Variants in COL17A1 observed in about 807,000 individuals in gnomAD.
COL17A1 encodes the protein collagen type XVII alpha 1 chain.
COL17A1 carries 181 observed loss-of-function variants against 218.4 expected under a neutral mutation model. The observed-to-expected ratio is 0.83, with a 90% CI of 0.73 to 0.94. COL17A1 has a LOEUF of 0.94. Ranked by LOEUF, COL17A1 falls within the 40% of genes least tolerant of loss-of-function variation. The pLI is 0.00. For missense variants in COL17A1, 1,924 were observed against 1,945.9 expected, an observed-to-expected ratio of 0.99 and a Z score of 0.21; for synonymous variants, 721 against 731.0, an observed-to-expected ratio of 0.99 and a Z score of 0.22.
chr10:104,060,766 T>C (rs1352535361), intron 13 of COL17A1, among the ~76,000 whole-genome samples: 1 of 152,224 alleles, frequency 6.6e-6, no homozygotes, highest in Non-Finnish European at 1.5e-5. Flanking sequence ...ATCTGTATCC[T>C]TTTCTGTAAT....
chr10:104,072,146 A>C (rs2086674791), intron 7 of COL17A1, 67 bp from the exon 8 acceptor site: 1 of 1,606,920 alleles, frequency 6.2e-7, no homozygotes, highest in Non-Finnish European at 8.5e-7. Context: ...CTGACACTGA[A>C]CTCCTAGCAG....
chr10:104,075,300 C>G (rs1269537087), intron 5 of COL17A1, among the ~76,000 whole-genome samples: 1 of 152,130 alleles, frequency 6.6e-6, no homozygotes, highest in African/African-American at 2.4e-5. Context: ...GAGAGCTGGG[C>G]AAGTGGCTGT....
chr10:104,067,448 G>T (rs1045004346), intron 9 of COL17A1, among the ~76,000 whole-genome samples: 1 of 151,742 alleles, frequency 6.6e-6, no homozygotes, highest in Middle Eastern at 3.4e-3. Flanking sequence ...CTAAGAAACT[G>T]CAAAAAAGTT....
At position 104,037,102 on chromosome 10, in the gene COL17A1, C is replaced by G; in HGVS notation, c.3220G>C (p.Gly1074Arg). 1.2e-6 allele frequency: 2 copies of G among 1,605,780 alleles called. No homozygotes were observed. The highest frequency in any genetic ancestry group is 1.7e-6 in the Non-Finnish European group (2 of 1,176,464). The change falls in exon 47 of 56, where the codon GGT becomes CGT. Residue 1074 changes from glycine to arginine, a missense_variant. Coordinates refer to ENST00000648076, the MANE Select transcript of COL17A1 (RefSeq NM_000494.4). The stretch of plus-strand genomic sequence containing the variant: ...ATGGAGGACGAGAACAAGCTGACAC[C>G]GTACCCCGAAGCTGTCGGGAAGAAA... ...VVSYLRTSGY[G>R]VSLFSSSISS... is the part of the protein sequence containing the mutation.
chr10:104,081,358 T>C (rs1211775530), intron 1 of COL17A1, among the ~76,000 whole-genome samples: 2 of 152,106 alleles, frequency 1.3e-5, no homozygotes, highest in African/African-American at 4.8e-5. Flanking sequence ...AAAATACATA[T>C]TTGTATTTTT....
Position 104,051,494 on chromosome 10 carries a change from T to G in COL17A1, c.2025A>C (p.Pro675=). 1 of 1,614,052 alleles carries G rather than the reference T, an allele frequency of 6.2e-7. No homozygotes were observed. Among genetic ancestry groups the G allele is most frequent in the South Asian group, 1.1e-5 (1 of 91,056 alleles). Reference sequence around the variant, plus strand: ...CAGCAAACTGACCTGGAGGGCCCTGTGGGCCAGGAGAGCCGCTGGAACCTG... The same window carrying G: ...CAGCAAACTGACCTGGAGGGCCCTGGGGGCCAGGAGAGCCGCTGGAACCTG... The part of the protein sequence containing the change: ...GPKGSSGSPG[P]QGPPGPVGLQ... The change falls in exon 25 of 56, where the codon CCA becomes CCC. Residue 675 remains proline (P), a synonymous_variant. Coordinates refer to ENST00000648076, the MANE Select transcript of COL17A1 (RefSeq NM_000494.4).
chr10:104,061,911 G>C (rs2086586190), intron 12 of COL17A1, among the ~76,000 whole-genome samples: 1 of 152,188 alleles, frequency 6.6e-6, no homozygotes, highest in African/African-American at 2.4e-5. Flanking sequence ...GCAACCTGTA[G>C]GGGGTGCACC....
chr10:104,040,003 A>T lies in COL17A1; in HGVS notation c.2762-4T>A. The T allele has an allele frequency of 6.2e-7, 1 of 1,613,934 alleles. No homozygotes were observed. Among genetic ancestry groups the T allele is most frequent in the Non-Finnish European group, 8.5e-7 (1 of 1,179,978 alleles). On this transcript the variant is annotated splice_region_variant and splice_polypyrimidine_tract_variant and intron_variant, in intron 40 of 55. Coordinates refer to ENST00000648076, the MANE Select transcript of COL17A1 (RefSeq NM_000494.4). ...TGTCCTCTGGGGCCTGGGGGACCTGAGGGAAAAAGGCAGAGAGCTATGAGA... is the reference window on the plus strand; with the variant it reads ...TGTCCTCTGGGGCCTGGGGGACCTGTGGGAAAAAGGCAGAGAGCTATGAGA...
At chr10:104,035,171 G>T in intron 50 of COL17A1, 92 bp downstream of exon 50, 1 of 1,077,838 alleles carries the variant, frequency 9.3e-7, no homozygotes, top group South Asian at 1.3e-5. Flanking sequence ...CAGGCTCCAG[G>T]AGCACTTAGA....
chr10:104,039,474 G>A lies in COL17A1; in HGVS notation c.2867C>T (p.Pro956Leu), dbSNP rs775133752. 5 of 1,614,100 alleles carry A rather than the reference G, an allele frequency of 3.1e-6. No homozygotes were observed. Among genetic ancestry groups the A allele is most frequent in the Non-Finnish European group, 2.5e-6 (3 of 1,179,974 alleles). Residue 956 changes from proline to leucine, a missense_variant, in exon 43 of 56, where the codon CCT becomes CTT. By Grantham distance (98) the Pro-to-Leu change is moderately conservative. Transcript: ENST00000648076. Reference protein sequence around the residue: ...GLNLQGPPGPPGPQGPKGDKG... With the variant: ...GLNLQGPPGPLGPQGPKGDKG... The stretch of plus-strand genomic sequence containing the variant: ...GTCACCTTTGGGTCCCTGGGGGCCA[G>A]GTGGGCCTGGTGGTCCCTGAAGGTT...
Position 104,032,712 on chromosome 10 carries a change from G to C in COL17A1, c.4400C>G (p.Pro1467Arg). The C allele has an allele frequency of 6.2e-7, 1 of 1,614,158 alleles. No individual in the cohort carries two copies. The highest frequency in any genetic ancestry group is 8.5e-7 in the Non-Finnish European group (1 of 1,180,010). Reference sequence around the variant, plus strand: ...TTCTCCCTTGTGTCCTCGAGGGCCAGGTGGCCCAGGATGACCTGGTGGCCC... The same window carrying C: ...TTCTCCCTTGTGTCCTCGAGGGCCACGTGGCCCAGGATGACCTGGTGGCCC... ...PAGPPGHPGP[P>R]GPRGHKGEKG... Residue 1467 changes from proline (P) to arginine (R), a missense_variant, in exon 55 of 56, where the codon CCT (proline) becomes CGT (arginine). Coordinates refer to ENST00000648076, the MANE Select transcript of COL17A1 (RefSeq NM_000494.4).
intron 9 of COL17A1, among the ~76,000 whole-genome samples, chr10:104,067,389 C>T (rs923684770): frequency 6.8e-6 from 1 of 146,126 alleles, no homozygotes; most frequent in South Asian, 2.2e-4. Context: ...CCTAGTAGGG[C>T]AAGGCCTTTT....
chr10:104,075,605 C>T (rs1564686631), intron 5 of COL17A1, among the ~76,000 whole-genome samples: 1 of 152,210 alleles, frequency 6.6e-6, no homozygotes, highest in Non-Finnish European at 1.5e-5. Context: ...ACATGGCTTC[C>T]AGAGTTCCAG....
Position 104,054,962 on chromosome 10 carries a change from A to G in COL17A1, c.1744+19T>C, listed in dbSNP as rs2086505665. On this transcript the variant is annotated intron_variant, in intron 20 of 55. Transcript: ENST00000648076. ...ACACTTGCTAATATTTAAGGTAAAA[A>G]TGCCCATGTTATAATTACCTTTAGG... 1 of 1,614,164 alleles carries G rather than the reference A, an allele frequency of 6.2e-7. No homozygotes were observed. The highest frequency in any genetic ancestry group is 1.3e-5 in the African/African-American group (1 of 75,046).
intron 15 of COL17A1, 104 bp from the exon 16 acceptor site, chr10:104,058,294 G>T: frequency 6.9e-7 from 1 of 1,458,848 alleles, no homozygotes. Flanking sequence ...TAATAAACTT[G>T]CTTTCAACGA....
intron 26 of COL17A1, 88 bp downstream of exon 26, chr10:104,050,760 C>A: frequency 6.2e-7 from 1 of 1,614,044 alleles, no homozygotes; most frequent in East Asian, 2.2e-5. Context: ...CTGACTTCTT[C>A]TTCCCCTCTT....
At chr10:104,075,913 G>A (rs1013374737) in intron 5 of COL17A1, among the ~76,000 whole-genome samples, 7 of 152,194 alleles carry the variant, frequency 4.6e-5, no homozygotes, top group Non-Finnish European at 1.0e-4. Flanking sequence ...GATTTCCTCA[G>A]CTTAAAGTGA....
chr10:104,034,836 T>C, intron 50 of COL17A1, 69 bp from the exon 51 acceptor site: 1 of 1,579,700 alleles, frequency 6.3e-7, no homozygotes, highest in Non-Finnish European at 8.6e-7. Flanking sequence ...CAGCCTGTGC[T>C]CGGGGCGCTG....
intron 55 of COL17A1, among the ~76,000 whole-genome samples, 169 bp downstream of exon 55, chr10:104,032,505 T>G (rs1368284041): frequency 6.6e-6 from 1 of 152,262 alleles, no homozygotes; most frequent in Non-Finnish European, 1.5e-5. Flanking sequence ...TCTTCCTCAC[T>G]GTGAATGGGA....
Sources: gnomAD v4.1 joint callset for allele counts (sites outside exome capture counted in the v4.1 genomes callset) on GRCh38, gnomAD v4.1.1 for gene constraint, MANE v1.5 for transcripts, NCBI Gene and HGNC (gene_info 2026-07-23, HGNC 2026-07-21) for gene names.